The following GRM4 variants were observed in gnomAD, a reference collection of about 807,000 sequenced individuals.
GRM4 encodes metabotropic glutamate receptor 4.
GRM4 carries 28 observed loss-of-function variants against 81.7 expected under a neutral mutation model. The ratio of observed to expected loss-of-function variants is 0.34; its 90% CI spans 0.25 to 0.47. The LOEUF (loss-of-function observed/expected upper bound fraction) is 0.47. Among genes scored for constraint, GRM4 ranks in the 20% least tolerant of loss-of-function variants. The pLI is 1.00. For synonymous variants in GRM4, 488 were observed against 528.8 expected (o/e 0.92, Z 1.06); for missense variants, 948 against 1,290.0 (o/e 0.73, Z 4.06).
At chr6:34,055,154 A>G (rs962048886) in intron 6 of GRM4, 1 of 152,190 alleles carries the variant, frequency 6.6e-6, no homozygotes, top group African/African-American at 2.4e-5. Flanking sequence ...GTGTCTGAAC[A>G]CAGTGGATAC....
rs150771971 is a variant in GRM4 at position 34,036,453 on chromosome 6, C to T, written c.1657G>A (p.Asp553Asn). 4.3e-6 allele frequency: 7 copies of T among 1,613,204 alleles called. No individual in the cohort carries two copies. The highest frequency in any genetic ancestry group is 4.0e-5 in the African/African-American group (3 of 74,924). Reference sequence around the variant, plus strand: ...GGACACGTCTTACAGGTGTAGCGGTCCACCTGGTACTGGTACCCTGTGCAA... The same window carrying T: ...GGACACGTCTTACAGGTGTAGCGGTTCACCTGGTACTGGTACCCTGTGCAA... ...EPCTGYQYQV[D>N]RYTCKTCPYD... The change falls in exon 9 of 11, where the codon GAC becomes AAC. Residue 553 changes from aspartate to asparagine, a missense_variant. Asp to Asn is a conservative substitution (Grantham distance 23). Transcript: ENST00000538487. The surrounding 1 kb of genome is among the most constrained non-coding windows in gnomAD (Gnocchi z 9.0).
intron 2 of GRM4, chr6:34,103,877 T>A (rs1313527684): frequency 2.1e-6 from 3 of 1,400,974 alleles, no homozygotes; most frequent in African/African-American, 2.9e-5. Flanking sequence ...GGAGAATGAG[T>A]GTTACAGAAG....
intron 2 of GRM4, among the ~76,000 whole-genome samples, chr6:34,093,368 T>C: frequency 6.6e-6 from 1 of 152,242 alleles, no homozygotes; most frequent in Middle Eastern, 3.2e-3. Context: ...CCCACCTCAA[T>C]ATCCCGACAT....
chr6:34,073,143 ACAC>A (rs1217227963), intron 3 of GRM4, among the ~76,000 whole-genome samples: 8 of 71,458 alleles, frequency 1.1e-4, no homozygotes, highest in Admixed American at 5.9e-4. Context: ...ACACACACAC[ACAC>A]ATCACCACAG....
rs1178401290 is a variant in GRM4 at position 34,040,492 on chromosome 6, C to T, written c.1369+56G>A. 12 of 1,527,132 alleles carry T rather than the reference C, an allele frequency of 7.9e-6. No homozygotes were observed. In the East Asian group the frequency reaches 2.1e-4, roughly 27 times the overall value. The allele number at this position is 1,527,132 out of a possible 1,614,324, so 94.6% of individuals were successfully genotyped here. ...CCCCACAGAGCCTAAGGGCCCCTCC[C>T]CTCGGGCATGGCCCAGGATACCCAG... is the stretch of plus-strand genomic sequence containing the variant. On this transcript the variant is annotated intron_variant, in intron 7 of 10. Coordinates refer to ENST00000538487, the MANE Select transcript of GRM4 (RefSeq NM_000841.4).
chr6:34,121,648 G>A lies in GRM4; in HGVS notation c.519+11330C>T, dbSNP rs1278778572. 2.6e-5 allele frequency among the ~76,000 whole-genome samples: 4 copies of A among 152,192 alleles called. No individual in the cohort carries two copies. The highest frequency in any genetic ancestry group is 5.9e-5 in the Non-Finnish European group (4 of 68,036). On this transcript the variant is annotated intron_variant, in intron 2 of 10. Transcript: ENST00000538487. The surrounding 1 kb of genome is among the most constrained non-coding windows in gnomAD (Gnocchi z 4.6). Reference sequence around the variant, plus strand: ...TCCCCGCTCAGGGCACCTCTGCTGGGCCAGGGCCAGGGCTGAGCAGAGCAT... The same window carrying A: ...TCCCCGCTCAGGGCACCTCTGCTGGACCAGGGCCAGGGCTGAGCAGAGCAT...
intron 3 of GRM4, chr6:34,062,555 G>A (rs1766240595): frequency 6.8e-6 from 1 of 146,146 alleles, no homozygotes; most frequent in Admixed American, 7.1e-5. Context: ...GTTTCTTGGA[G>A]GGTTAAAGCT....
At chr6:34,040,877 C>T (rs1380983911) in intron 6 of GRM4, 129 bp from the exon 7 acceptor site, 2 of 726,486 alleles carry the variant, frequency 2.8e-6, no homozygotes, top group Non-Finnish European at 4.7e-6. Context: ...GCCAGGCCTC[C>T]TGACTCCCAG....
At chr6:34,046,498 G>A (rs533046276) in intron 6 of GRM4, among the ~76,000 whole-genome samples, 1 of 152,250 alleles carries the variant, frequency 6.6e-6, no homozygotes, top group Non-Finnish European at 1.5e-5. Context: ...AGGTGAGGTG[G>A]GGGAGGAAAG....
At chr6:34,140,026 T>G (rs1335871950) in intron 1 of GRM4, among the ~76,000 whole-genome samples, 1 of 151,198 alleles carries the variant, frequency 6.6e-6, no homozygotes, top group Non-Finnish European at 1.5e-5. Flanking sequence ...CCTGAACATA[T>G]AGATGGCTGG....
Position 34,022,508 on chromosome 6 carries a change from G to A in GRM4, c.*313C>T, listed in dbSNP as rs1763927177. The A allele has an allele frequency of 2.3e-6, 1 of 429,272 alleles. No homozygotes were observed. The highest frequency in any genetic ancestry group is 4.2e-6 in the Non-Finnish European group (1 of 235,626). 26.6% of individuals were successfully genotyped at this position (429,272 alleles called of 1,614,324 possible). A position where few individuals can be genotyped will look rare whatever the true frequency, so the allele number is the denominator to read the frequency against. The stretch of plus-strand genomic sequence containing the variant: ...GCCAACAGCACAGACAGAGACGAAG[G>A]GAGGGAGAGATCTAGCACTGGGGCC... On this transcript the variant is annotated 3_prime_UTR_variant, in exon 11 of 11. Transcript: ENST00000538487. The surrounding 1 kb of genome is among the most constrained non-coding windows in gnomAD (Gnocchi z 5.6).
intron 3 of GRM4, among the ~76,000 whole-genome samples, chr6:34,086,768 T>C (rs909875234): frequency 2.6e-5 from 4 of 152,224 alleles, no homozygotes; most frequent in African/African-American, 9.6e-5. Flanking sequence ...AGCCTCTGTT[T>C]AGCCATTGGT....
At chr6:34,134,008 C>T (rs772183163) in intron 1 of GRM4, 149 bp from the exon 2 acceptor site, 7 of 227,578 alleles carry the variant, frequency 3.1e-5, no homozygotes, top group Non-Finnish European at 3.7e-5. Context: ...GTTTCCTCTC[C>T]GCCATTGCTC....
chr6:34,023,622 G>A (rs190022750), intron 10 of GRM4, among the ~76,000 whole-genome samples: 2 of 152,214 alleles, frequency 1.3e-5, no homozygotes, highest in Admixed American at 1.3e-4. Context: ...TTCTGCCCCT[G>A]TCCCTCTGGC....
chr6:34,149,464 C>A (rs962652567), upstream of GRM4, among the ~76,000 whole-genome samples: 2 of 152,248 alleles, frequency 1.3e-5, no homozygotes, highest in Non-Finnish European at 2.9e-5. Context: ...AATGCAGTGG[C>A]CCCAGGCTCT....
At chr6:34,026,441 G>T (rs972911913) in intron 10 of GRM4, among the ~76,000 whole-genome samples, 1 of 152,118 alleles carries the variant, frequency 6.6e-6, no homozygotes, top group East Asian at 1.9e-4. Context: ...TTTCAGAGGG[G>T]AGGATGCCAA....
At chr6:34,073,151 C>CCA (rs1232304697) in intron 3 of GRM4, among the ~76,000 whole-genome samples, 10,891 of 60,768 alleles carry the variant, frequency 0.18, 1,019 homozygotes, top group African/African-American at 0.36. Flanking sequence ...ACACACATCA[C>CCA]CACAGACACA....
Position 34,070,982 on chromosome 6 carries a change from G to A in GRM4, c.737-8954C>T, listed in dbSNP as rs75316682. 6.6e-6 allele frequency among the ~76,000 whole-genome samples: 1 copy of A among 151,504 alleles called. No homozygotes were observed. The highest frequency in any genetic ancestry group is 6.6e-5 in the Admixed American group (1 of 15,228). ...CACAAAGATGGGCACAGGGCCATAC[G>A]CACACACTGACAGAGTCACAGATCC... is the stretch of plus-strand genomic sequence containing the variant. On this transcript the variant is annotated intron_variant, in intron 3 of 10. Transcript: ENST00000538487. This position sits in a 1 kb window ranked among gnomAD's most constrained non-coding sequence, Gnocchi z 4.6.
At chr6:34,041,006 G>A (rs1764997372) in intron 6 of GRM4, among the ~76,000 whole-genome samples, 1 of 152,212 alleles carries the variant, frequency 6.6e-6, no homozygotes, top group Non-Finnish European at 1.5e-5. Context: ...GCCACCCAAG[G>A]TCCCAGAATA....
Sources: gnomAD v4.1 joint callset for allele counts (sites outside exome capture counted in the v4.1 genomes callset) on GRCh38, gnomAD v4.1.1 for gene constraint, Gnocchi (gnomAD v3.1) non-coding constraint, MANE v1.5 for transcripts, NCBI Gene and HGNC (gene_info 2026-07-23, HGNC 2026-07-21) for gene names.